The following PIK3CD variants were observed in gnomAD, a reference collection of about 807,000 sequenced individuals.
PIK3CD encodes phosphatidylinositol 4,5-bisphosphate 3-kinase catalytic subunit delta isoform.
A neutral mutation model predicts 122.9 loss-of-function variants in PIK3CD; 20 were observed. That is an observed-to-expected ratio of 0.16 (90% CI 0.11 to 0.24). The LOEUF is 0.24. Ranked by LOEUF, PIK3CD falls within the 10% of genes least tolerant of loss-of-function variation. The pLI is 1.00. For synonymous variants in PIK3CD, 596 were observed against 593.4 expected (o/e 1.00, Z -0.06); for missense variants, 787 against 1,406.3 (o/e 0.56, Z 7.04).
upstream of PIK3CD, among the ~76,000 whole-genome samples, chr1:9,647,647 C>A (rs1208252300): frequency 6.6e-6 from 1 of 151,876 alleles, no homozygotes; most frequent in Non-Finnish European, 1.5e-5. Context: ...GCTAAAACTA[C>A]AGGCACATGC....
intron 2 of PIK3CD, among the ~76,000 whole-genome samples, chr1:9,706,729 AT>A (rs1646846259): frequency 6.6e-6 from 1 of 151,824 alleles, no homozygotes; most frequent in Admixed American, 6.6e-5. Context: ...TTGTGGCTAT[AT>A]TGGGTTAAAT....
chr1:9,725,094 G>A (rs1013864999), intron 23 of PIK3CD, among the ~76,000 whole-genome samples, 158 bp downstream of exon 23: 3 of 152,220 alleles, frequency 2.0e-5, no homozygotes, highest in African/African-American at 4.8e-5. Flanking sequence ...GCTGGTGGGC[G>A]GTGGAGGGGA....
At chr1:9,640,845 C>T in the PIK3CD span, among the ~76,000 whole-genome samples, 1 of 152,152 alleles carries the variant, frequency 6.6e-6, no homozygotes, top group South Asian at 2.1e-4. Context: ...GCTATCTGCA[C>T]CCAACTTGGG....
rs1007137171 is a variant in PIK3CD at position 9,719,396 on chromosome 1, C to T, written c.1242+481C>T. Among the ~76,000 whole-genome samples the T allele has an allele frequency of 6.6e-6, 1 of 152,142 alleles. No homozygotes were observed. The highest frequency in any genetic ancestry group is 1.5e-5 in the Non-Finnish European group (1 of 68,010). ...GCCAGGAGGGCCAGGCGTGGTGGCT[C>T]ATGCCTGTAATCCCAGCACTTTGGG... On this transcript the variant is annotated intron_variant, in intron 9 of 23. Transcript: ENST00000377346. The surrounding 1 kb of genome is among the most constrained non-coding windows in gnomAD (Gnocchi z 5.5).
At chr1:9,693,690 T>TAA (rs111651795) in intron 2 of PIK3CD, among the ~76,000 whole-genome samples, 2 of 145,318 alleles carry the variant, frequency 1.4e-5, no homozygotes, top group African/African-American at 2.5e-5. Context: ...TGTAAATTCT[T>TAA]AAAAAAAAAA....
intron 2 of PIK3CD, among the ~76,000 whole-genome samples, chr1:9,705,726 A>C (rs1646806592): frequency 1.3e-5 from 2 of 152,200 alleles, no homozygotes; most frequent in Non-Finnish European, 2.9e-5. Flanking sequence ...GTAGAAAATA[A>C]AGGTTTTATG....
intron 2 of PIK3CD, among the ~76,000 whole-genome samples, chr1:9,706,050 ATTTT>A (rs140912843): frequency 1.2e-5 from 1 of 85,184 alleles, no homozygotes; most frequent in African/African-American, 4.8e-5. Flanking sequence ...ATTTATTGGA[ATTTT>A]TTTTTTTTTT....
At chr1:9,687,712 C>T (rs41278008) in intron 1 of PIK3CD, among the ~76,000 whole-genome samples, 7,477 of 152,232 alleles carry the variant, frequency 0.049, 269 homozygotes, top group Admixed American at 0.12. Context: ...AGAGCGAGAG[C>T]GCGTGTATGA....
At chr1:9,646,770 T>C (rs374188152), upstream of PIK3CD, among the ~76,000 whole-genome samples, 5 of 151,776 alleles carry the variant, frequency 3.3e-5, no homozygotes, top group East Asian at 9.7e-4. Context: ...CTGGCCAACA[T>C]GGTGAAACCC....
In PIK3CD at chr1:9,677,334, T is replaced by C. The variant is rs149969537; in HGVS notation, c.-137-14133T>C. On this transcript the variant is annotated intron_variant, in intron 1 of 23. Coordinates refer to ENST00000377346, the MANE Select transcript of PIK3CD (RefSeq NM_005026.5). ...GTGGAATTTGTAGTTTTAAGAGATA[T>C]TATATGGCCATCTTAAGATTGCAGC... Among the ~76,000 whole-genome samples, 1,201 of 152,128 alleles carry C rather than the reference T, an allele frequency of 7.9e-3. 8 individuals carry two copies. The highest frequency in any genetic ancestry group is 0.012 in the Non-Finnish European group (795 of 67,992).
intron 1 of PIK3CD, among the ~76,000 whole-genome samples, chr1:9,657,057 T>C (rs935197019): frequency 2.0e-5 from 3 of 152,116 alleles, no homozygotes; most frequent in Non-Finnish European, 4.4e-5. Flanking sequence ...AGAATCCTGC[T>C]TTGCTCTTCC....
Position 9,722,036 on chromosome 1 carries a change from C to A in PIK3CD, c.2117C>A (p.Thr706Asn), listed in dbSNP as rs150236912. 1.4e-5 allele frequency: 23 copies of A among 1,613,610 alleles called. No individual in the cohort carries two copies. The African/African-American group carries it at 2.1e-4, about 15-fold the overall frequency. The change falls in exon 17 of 24, where the codon ACC (threonine) becomes AAC (asparagine). Residue 706 changes from threonine to asparagine, a missense_variant. By Grantham distance (65) the Thr-to-Asn change is moderately conservative. Around this residue, in one of 6 missense-constraint regions of PIK3CD, gnomAD observed 48 missense variants for 71.9 expected, o/e 0.67. Coordinates refer to ENST00000377346, the MANE Select transcript of PIK3CD (RefSeq NM_005026.5). This position sits in a 1 kb window ranked among gnomAD's most constrained non-coding sequence, Gnocchi z 7.6. ...NDFVKLSSQK[T>N]PKPQTKELMH... ...TTCGTCAAGCTGAGCTCTCAGAAGA[C>A]CCCCAAGCCCCAGACCAAGGAGCTG...
At chr1:9,660,700 C>G (rs1292005015) in intron 1 of PIK3CD, 1 of 152,176 alleles carries the variant, frequency 6.6e-6, no homozygotes, top group East Asian at 1.9e-4. Flanking sequence ...GGGAAGGCAG[C>G]TGAGCCACCC....
At chr1:9,637,519 A>G in the PIK3CD span, among the ~76,000 whole-genome samples, 1 of 152,228 alleles carries the variant, frequency 6.6e-6, no homozygotes, top group East Asian at 1.9e-4. Flanking sequence ...CTATCTTAAT[A>G]GATAAGTAAA....
the PIK3CD span, among the ~76,000 whole-genome samples, chr1:9,629,743 G>A: frequency 2.1e-4 from 32 of 152,232 alleles, no homozygotes; most frequent in African/African-American, 6.3e-4. Context: ...CAGGGTACTC[G>A]CCGGACTCCC....
At position 9,713,055 on chromosome 1, in the gene PIK3CD, T is replaced by G. The variant is rs1189992523; in HGVS notation, c.141+2459T>G. 3.3e-5 allele frequency among the ~76,000 whole-genome samples: 5 copies of G among 152,260 alleles called. No individual in the cohort carries two copies. In the East Asian group the frequency reaches 9.6e-4, roughly 29 times the overall value. On this transcript the variant is annotated intron_variant, in intron 3 of 23. Transcript: ENST00000377346. Reference sequence around the variant, plus strand: ...AAAATTAGCCAGGTGTGGTGGTAGATGCCTGTAATCCCAGCTACTCGGGAG... The same window carrying G: ...AAAATTAGCCAGGTGTGGTGGTAGAGGCCTGTAATCCCAGCTACTCGGGAG...
upstream of PIK3CD, among the ~76,000 whole-genome samples, chr1:9,651,284 CAT>C (rs1223519133): frequency 1.3e-5 from 2 of 152,164 alleles, no homozygotes; most frequent in African/African-American, 4.8e-5. Flanking sequence ...GCTGGTCTCC[CAT>C]AGTCACATTT....
the PIK3CD span, among the ~76,000 whole-genome samples, chr1:9,637,772 C>T: frequency 2.6e-5 from 4 of 152,046 alleles, no homozygotes; most frequent in African/African-American, 9.7e-5. Flanking sequence ...AAGCTGCAGA[C>T]ACGGGAATAC....
chr1:9,688,632 G>A (rs1043055075), intron 1 of PIK3CD, among the ~76,000 whole-genome samples: 3 of 152,094 alleles, frequency 2.0e-5, no homozygotes, highest in Non-Finnish European at 4.4e-5. Context: ...CGAGACCAGC[G>A]TAGGCAACAT....
Sources: gnomAD v4.1 joint callset for allele counts (sites outside exome capture counted in the v4.1 genomes callset) on GRCh38, gnomAD v4.1.1 for gene constraint, gnomAD v4.1.1 regional missense constraint, Gnocchi (gnomAD v3.1) non-coding constraint, MANE v1.5 for transcripts, NCBI Gene and HGNC (gene_info 2026-07-23, HGNC 2026-07-21) for gene names.